The following PTPRD variants were observed in gnomAD, a reference collection of about 807,000 sequenced individuals.
PTPRD encodes protein tyrosine phosphatase receptor type D, also known as receptor-type tyrosine-protein phosphatase delta.
PTPRD carries 34 observed loss-of-function variants against 214.5 expected under a neutral mutation model. The observed-to-expected ratio is 0.16, with a 90% CI of 0.12 to 0.21. The LOEUF (loss-of-function observed/expected upper bound fraction) is 0.21. PTPRD is among the 10% of genes least tolerant of loss of function. PTPRD has a pLI of 1.00. For synonymous variants in PTPRD, 1,128 were observed against 845.7 expected (o/e 1.33, Z -5.79); for missense variants, 2,545 against 2,398.7 (o/e 1.06, Z -1.27).
At chr9:10,378,464 T>C (rs2097768303) in intron 2 of PTPRD, among the ~76,000 whole-genome samples, 1 of 152,038 alleles carries the variant, frequency 6.6e-6, no homozygotes, top group Non-Finnish European at 1.5e-5. Flanking sequence ...TTTAAGTCTT[T>C]AATCCATTTT....
intron 8 of PTPRD, among the ~76,000 whole-genome samples, chr9:9,425,390 T>G (rs2080443074): frequency 2.0e-5 from 1 of 51,226 alleles, no homozygotes; most frequent in Non-Finnish European, 4.5e-5. Context: ...ATCTTATACA[T>G]TATATAATTT....
intron 3 of PTPRD, among the ~76,000 whole-genome samples, chr9:10,066,964 G>GAAA (rs200442683): frequency 7.0e-6 from 1 of 142,836 alleles, no homozygotes; most frequent in African/African-American, 2.5e-5. Context: ...TGTCCTTCTG[G>GAAA]AAAAAAAAAA....
chr9:9,135,992 T>C (rs1316589479), intron 10 of PTPRD, among the ~76,000 whole-genome samples: 1 of 152,118 alleles, frequency 6.6e-6, no homozygotes, highest in African/African-American at 2.4e-5. Context: ...ATTATATACA[T>C]GCACATGTGT....
chr9:9,527,949 T>C (rs761835685), intron 8 of PTPRD, among the ~76,000 whole-genome samples: 1 of 152,214 alleles, frequency 6.6e-6, no homozygotes, highest in Non-Finnish European at 1.5e-5. Flanking sequence ...TTTCAGGCAT[T>C]GGATAACAAG....
intron 12 of PTPRD, among the ~76,000 whole-genome samples, chr9:8,662,565 C>G (rs2097084747): frequency 6.6e-6 from 1 of 152,084 alleles, no homozygotes; most frequent in South Asian, 2.1e-4. Flanking sequence ...AAATTTTCAT[C>G]CTCTGGCTTT....
intron 34 of PTPRD, among the ~76,000 whole-genome samples, chr9:8,441,837 A>T (rs577867652): frequency 3.9e-5 from 6 of 152,302 alleles, no homozygotes; most frequent in East Asian, 3.9e-4. Context: ...CTGTAGCTAC[A>T]TGAGGAATCT....
chr9:9,481,940 C>T (rs748982643), intron 8 of PTPRD, among the ~76,000 whole-genome samples: 1 of 152,172 alleles, frequency 6.6e-6, no homozygotes, highest in Non-Finnish European at 1.5e-5. Context: ...TTAATAAAAT[C>T]AAATCTGCTT....
At chr9:10,191,851 T>C (rs1273052592) in intron 3 of PTPRD, among the ~76,000 whole-genome samples, 3 of 152,340 alleles carry the variant, frequency 2.0e-5, no homozygotes, top group East Asian at 3.9e-4. Context: ...CTTCTCTATA[T>C]GACTTCGTCA....
chr9:10,544,959 T>A (rs1042496749), intron 2 of PTPRD, among the ~76,000 whole-genome samples: 2 of 152,214 alleles, frequency 1.3e-5, no homozygotes, highest in Admixed American at 1.3e-4. Context: ...AAATGTAATT[T>A]TTTTCTGGTT....
At chr9:9,141,758 C>T (rs1196369694) in intron 10 of PTPRD, among the ~76,000 whole-genome samples, 1 of 150,626 alleles carries the variant, frequency 6.6e-6, no homozygotes, top group East Asian at 1.9e-4. Context: ...TTATCTCATG[C>T]ATATTAATAT....
chr9:8,958,992 T>C (rs1201044233), intron 11 of PTPRD: 1 of 151,944 alleles, frequency 6.6e-6, no homozygotes, highest in Non-Finnish European at 1.5e-5. Flanking sequence ...ATGTACCTTA[T>C]ATGATCATGG....
At chr9:9,188,622 T>G (rs143684872) in intron 9 of PTPRD, among the ~76,000 whole-genome samples, 1 of 152,164 alleles carries the variant, frequency 6.6e-6, no homozygotes, top group Non-Finnish European at 1.5e-5. Flanking sequence ...GACCTAGGAT[T>G]CAGTTGACTG....
chr9:8,675,144 A>C (rs1233633050), intron 12 of PTPRD, among the ~76,000 whole-genome samples: 1 of 152,068 alleles, frequency 6.6e-6, no homozygotes, highest in African/African-American at 2.4e-5. Flanking sequence ...TCATGAGATA[A>C]TGTTTACATG....
intron 11 of PTPRD, among the ~76,000 whole-genome samples, chr9:8,778,517 C>T (rs2095570828): frequency 6.6e-6 from 1 of 152,192 alleles, no homozygotes; most frequent in Admixed American, 6.5e-5. Context: ...TGACTTCATG[C>T]TGCAAGATCA....
intron 9 of PTPRD, among the ~76,000 whole-genome samples, chr9:9,186,065 T>C (rs569485933): frequency 7.2e-5 from 11 of 152,162 alleles, no homozygotes; most frequent in Non-Finnish European, 1.5e-4. Flanking sequence ...CCACTGTGAT[T>C]AAAAATGGCA....
intron 7 of PTPRD, among the ~76,000 whole-genome samples, chr9:9,624,277 T>G (rs56725484): frequency 0.06 from 9,091 of 151,602 alleles, 819 homozygotes; most frequent in African/African-American, 0.2. Flanking sequence ...CTAGTTTTTT[T>G]TTTGTTTGTT....
chr9:9,344,457 C>A (rs1241281780), intron 9 of PTPRD, among the ~76,000 whole-genome samples: 1 of 151,896 alleles, frequency 6.6e-6, no homozygotes, highest in Non-Finnish European at 1.5e-5. Context: ...GACAAAACTA[C>A]ATGTTCAGCA....
intron 10 of PTPRD, among the ~76,000 whole-genome samples, chr9:9,039,046 G>T (rs1177309708): frequency 1.3e-5 from 2 of 152,072 alleles, no homozygotes; most frequent in Admixed American, 1.3e-4. Context: ...ATAAAACAAG[G>T]TTGTGTTTTC....
At chr9:10,330,384 C>T (rs182458985) in intron 3 of PTPRD, among the ~76,000 whole-genome samples, 47 of 151,868 alleles carry the variant, frequency 3.1e-4, no homozygotes, top group Admixed American at 2.9e-3. Context: ...AGACCAATTC[C>T]TGGGCAGATT....
Sources: gnomAD v4.1 joint callset for allele counts (sites outside exome capture counted in the v4.1 genomes callset) on GRCh38, gnomAD v4.1.1 for gene constraint, MANE v1.5 for transcripts, NCBI Gene and HGNC (gene_info 2026-07-23, HGNC 2026-07-21) for gene names.